The following CELF2 variants were observed in gnomAD, a reference collection of about 807,000 sequenced individuals.
The protein encoded by CELF2 is CUG triplet repeat RNA-binding protein 2.
A neutral mutation model predicts 62.6 loss-of-function variants in CELF2; 8 were observed. The observed-to-expected ratio is 0.13, with a 90% confidence interval of 0.07 to 0.23. CELF2 has a LOEUF of 0.23. Among genes scored for constraint, CELF2 ranks in the 10% least tolerant of loss-of-function variants. The probability of loss-of-function intolerance (pLI) is 1.00; values close to 1 mark genes in which losing one functional copy is unlikely to be tolerated. For synonymous variants in CELF2, 258 were observed against 250.0 expected (o/e 1.03, Z -0.30); for missense variants, 333 against 671.0 (o/e 0.50, Z 5.56).
chr10:10,557,796 A>G, the CELF2 span, among the ~76,000 whole-genome samples: 1 of 143,392 alleles, frequency 7.0e-6, no homozygotes, highest in East Asian at 2.0e-4. Flanking sequence ...CTTTGAAGCA[A>G]TTGTGAATGG....
chr10:11,222,737 G>A (rs1007857400), intron 3 of CELF2, among the ~76,000 whole-genome samples: 6 of 152,172 alleles, frequency 3.9e-5, no homozygotes, highest in Non-Finnish European at 8.8e-5. Context: ...GCCCGAATAA[G>A]TTAGTTTTTA....
At chr10:11,176,413 C>T (rs572333805) in intron 2 of CELF2, among the ~76,000 whole-genome samples, 25 of 152,220 alleles carry the variant, frequency 1.6e-4, no homozygotes, top group African/African-American at 5.8e-4. Context: ...AGCTGCCAGC[C>T]CCTACCTGAT....
the CELF2 span, among the ~76,000 whole-genome samples, chr10:10,477,678 A>G: frequency 6.6e-6 from 1 of 152,006 alleles, no homozygotes; most frequent in African/African-American, 2.4e-5. Context: ...CCCTTGAGCT[A>G]AGAATGATTT....
At chr10:10,647,808 C>A in the CELF2 span, among the ~76,000 whole-genome samples, 1 of 152,288 alleles carries the variant, frequency 6.6e-6, no homozygotes, top group African/African-American at 2.4e-5. Flanking sequence ...ACTAAATAAA[C>A]CTGCTATTCC....
At chr10:11,171,086 A>G (rs950062613) in intron 2 of CELF2, among the ~76,000 whole-genome samples, 1 of 152,198 alleles carries the variant, frequency 6.6e-6, no homozygotes, top group African/African-American at 2.4e-5. Context: ...AGAAAAGGGA[A>G]GTGGCTTTTG....
chr10:10,737,166 C>T, the CELF2 span, among the ~76,000 whole-genome samples: 4 of 152,150 alleles, frequency 2.6e-5, no homozygotes, highest in South Asian at 2.1e-4. Flanking sequence ...TTGGTCTCAT[C>T]TAACTATCCG....
At chr10:10,780,421 A>T in the CELF2 span, among the ~76,000 whole-genome samples, 1 of 152,218 alleles carries the variant, frequency 6.6e-6, no homozygotes, top group Non-Finnish European at 1.5e-5. Context: ...ACCTCTTTCC[A>T]TCCTAATCTG....
At chr10:10,921,674 G>A (rs2064931043) in intron 2 of CELF2, among the ~76,000 whole-genome samples, 1 of 152,138 alleles carries the variant, frequency 6.6e-6, no homozygotes, top group Non-Finnish European at 1.5e-5. Context: ...AAGAGGGCAC[G>A]GGATCCAGGG....
chr10:11,231,823 T>C (rs74832395), intron 3 of CELF2, among the ~76,000 whole-genome samples: 2,655 of 151,310 alleles, frequency 0.018, 93 homozygotes, highest in African/African-American at 0.06. Context: ...CTCTTTCCCC[T>C]CTCTTCTCTC....
chr10:11,034,299 A>G (rs1021236324), intron 1 of CELF2, among the ~76,000 whole-genome samples: 2 of 152,174 alleles, frequency 1.3e-5, no homozygotes, highest in Admixed American at 6.5e-5. Context: ...TAAGACCTTC[A>G]TTCCTTATTC....
upstream of CELF2, among the ~76,000 whole-genome samples, chr10:11,002,899 CAT>C (rs1429992070): frequency 6.6e-6 from 1 of 151,948 alleles, no homozygotes. This position sits in a 1 kb window ranked among gnomAD's most constrained non-coding sequence, Gnocchi z 4.4. Context: ...AGTGGTTAAA[CAT>C]AAATTCATTC....
At chr10:10,698,807 C>G in the CELF2 span, among the ~76,000 whole-genome samples, 1 of 152,186 alleles carries the variant, frequency 6.6e-6, no homozygotes, top group African/African-American at 2.4e-5. Flanking sequence ...GGAAGGGTGT[C>G]TAGAGGCAGT....
chr10:11,123,257 A>G (rs2058097950), intron 1 of CELF2, among the ~76,000 whole-genome samples: 1 of 151,732 alleles, frequency 6.6e-6, no homozygotes, highest in Admixed American at 6.6e-5. Flanking sequence ...TTGATTTTTA[A>G]ATTTTTTTTT....
chr10:10,674,087 G>A, the CELF2 span, among the ~76,000 whole-genome samples: 1 of 152,130 alleles, frequency 6.6e-6, no homozygotes. Context: ...CTGATTGTAT[G>A]CCTGCTGGAT....
At chr10:11,045,185 G>C (rs1434443468) in intron 1 of CELF2, among the ~76,000 whole-genome samples, 3 of 152,146 alleles carry the variant, frequency 2.0e-5, no homozygotes, top group Non-Finnish European at 2.9e-5. Context: ...ATCTCACTCT[G>C]TTGCCCAGGC....
At chr10:10,662,128 C>T in the CELF2 span, among the ~76,000 whole-genome samples, 3 of 152,104 alleles carry the variant, frequency 2.0e-5, no homozygotes, top group South Asian at 2.1e-4. Flanking sequence ...TGGGAGCACC[C>T]GCCTGGTAAA....
At chr10:10,620,728 C>T in the CELF2 span, among the ~76,000 whole-genome samples, 1 of 150,442 alleles carries the variant, frequency 6.6e-6, no homozygotes, top group Non-Finnish European at 1.5e-5. Context: ...CGGTGAAACC[C>T]CCTCTCTACT....
At chr10:10,635,579 T>C in the CELF2 span, among the ~76,000 whole-genome samples, 1 of 152,214 alleles carries the variant, frequency 6.6e-6, no homozygotes, top group African/African-American at 2.4e-5. Context: ...AAAATCTTTG[T>C]GTTTAAAAAA....
the CELF2 span, among the ~76,000 whole-genome samples, chr10:10,711,770 T>C: frequency 6.6e-5 from 10 of 152,066 alleles, no homozygotes; most frequent in East Asian, 1.9e-3. Context: ...TAGTCTCAGC[T>C]ACTTGGGAGG....
Sources: gnomAD v4.1 joint callset for allele counts (sites outside exome capture counted in the v4.1 genomes callset) on GRCh38, gnomAD v4.1.1 for gene constraint, Gnocchi (gnomAD v3.1) non-coding constraint, MANE v1.5 for transcripts, NCBI Gene and HGNC (gene_info 2026-07-23, HGNC 2026-07-21) for gene names.